The following CADM2 variants were observed in gnomAD, a reference collection of about 807,000 sequenced individuals.
CADM2 encodes the protein cell adhesion molecule 2, also known as immunoglobulin superfamily member 4D.
Under a neutral mutation model 49.8 loss-of-function variants are expected in CADM2, and 12 were observed. That is an observed-to-expected ratio of 0.24 (90% CI 0.15 to 0.39). The LOEUF is 0.39. Among genes scored for constraint, CADM2 ranks in the 10% least tolerant of loss-of-function variants. The pLI, the probability that CADM2 is intolerant of heterozygous loss-of-function variation, is 1.00. For missense variants in CADM2, 378 were observed against 492.3 expected (o/e 0.77, Z 2.20); for synonymous variants, 214 against 175.4 (o/e 1.22, Z -1.74).
At chr3:85,630,305 A>C (rs1019880995) in intron 1 of CADM2, among the ~76,000 whole-genome samples, 1 of 151,928 alleles carries the variant, frequency 6.6e-6, no homozygotes, top group South Asian at 2.1e-4. Flanking sequence ...TATACCTGAC[A>C]ATCTTTAATC....
intron 9 of CADM2, among the ~76,000 whole-genome samples, chr3:86,066,015 C>A (rs1168192350): frequency 6.6e-6 from 1 of 152,096 alleles, no homozygotes; most frequent in East Asian, 1.9e-4. Flanking sequence ...ATATCTAGAA[C>A]TGAAATCCAA....
chr3:85,371,677 G>GTGTGTGTGTGTGTGTA (rs1251505613), intron 1 of CADM2, among the ~76,000 whole-genome samples: 3 of 95,132 alleles, frequency 3.2e-5, no homozygotes, highest in African/African-American at 1.3e-4. Flanking sequence ...GTGTGTGTGT[G>GTGTGTGTGTGTGTGTA]TATATATATA....
rs151132801 is a variant in CADM2, at chr3:85,898,313, T to C, written c.529+11986T>C. On this transcript the variant is annotated intron_variant, in intron 5 of 9. Coordinates refer to ENST00000383699, the MANE Select transcript of CADM2 (RefSeq NM_001167675.2). ...AAGATATAATTGACAAAAATCAATA[T>C]ATAGATATTTAAATTTTGCAATTTA... is the stretch of plus-strand genomic sequence containing the variant. Among the ~76,000 whole-genome samples the C allele has an allele frequency of 3.1e-4, 47 of 152,192 alleles. No homozygotes were observed. In the East Asian group the frequency reaches 5.8e-3, roughly 19 times the overall value.
At chr3:85,333,621 A>G (rs1335591709) in intron 1 of CADM2, among the ~76,000 whole-genome samples, 1 of 151,774 alleles carries the variant, frequency 6.6e-6, no homozygotes, top group Non-Finnish European at 1.5e-5. Flanking sequence ...TTATTAAAGA[A>G]ACGTGTTTTT....
chr3:86,005,613 T>C (rs1045254698), intron 8 of CADM2, among the ~76,000 whole-genome samples: 3 of 151,808 alleles, frequency 2.0e-5, no homozygotes, highest in African/African-American at 7.3e-5. Flanking sequence ...GTGTATGAGA[T>C]ATTTTGATAC....
chr3:85,747,931 G>T (rs2107847618), intron 2 of CADM2, among the ~76,000 whole-genome samples: 1 of 152,180 alleles, frequency 6.6e-6, no homozygotes, highest in East Asian at 1.9e-4. Flanking sequence ...CTCATATGAG[G>T]AGGCGTACTA....
chr3:85,624,882 C>G (rs2064079504), intron 1 of CADM2, among the ~76,000 whole-genome samples: 1 of 152,092 alleles, frequency 6.6e-6, no homozygotes, highest in East Asian at 1.9e-4. Flanking sequence ...GATACATCAG[C>G]AGATCATGGA....
chr3:85,398,568 G>A (rs138179626), intron 1 of CADM2, among the ~76,000 whole-genome samples: 2,594 of 152,282 alleles, frequency 0.017, 27 homozygotes, highest in South Asian at 0.028. Flanking sequence ...CTAGATACCT[G>A]AGGAATCACC....
chr3:85,104,188 G>A (rs1008782720), intron 1 of CADM2, among the ~76,000 whole-genome samples: 3 of 150,562 alleles, frequency 2.0e-5, no homozygotes, highest in African/African-American at 4.9e-5. Context: ...TAGGTCTAAC[G>A]TTTAAGTCTT....
At chr3:85,333,510 A>C (rs2044993827) in intron 1 of CADM2, among the ~76,000 whole-genome samples, 1 of 151,896 alleles carries the variant, frequency 6.6e-6, no homozygotes, top group Admixed American at 6.6e-5. Flanking sequence ...CTGACCACTT[A>C]GTTTGTGGTT....
In CADM2 at chr3:85,570,597, T is replaced by G. The variant is rs553825982; in HGVS notation, c.62-155925T>G. Among the ~76,000 whole-genome samples, 4 of 152,216 alleles carry G rather than the reference T, an allele frequency of 2.6e-5. No homozygotes were observed. In the East Asian group the frequency reaches 7.7e-4, roughly 29 times the overall value. On this transcript the variant is annotated intron_variant, in intron 1 of 9. Transcript: ENST00000383699. Reference sequence around the variant, plus strand: ...GGTCTTTTGTGAGCACAAAAATAGGTAGCGTTTTTAAAAACTGATTTTGAG... The same window carrying G: ...GGTCTTTTGTGAGCACAAAAATAGGGAGCGTTTTTAAAAACTGATTTTGAG...
chr3:86,011,838 A>G (rs1477269569), intron 8 of CADM2, among the ~76,000 whole-genome samples: 1 of 152,156 alleles, frequency 6.6e-6, no homozygotes, highest in Middle Eastern at 3.2e-3. Flanking sequence ...TAGCTTAGAA[A>G]CCATAATGGG....
chr3:85,901,854 A>G (rs531739571), intron 5 of CADM2, among the ~76,000 whole-genome samples: 1 of 152,078 alleles, frequency 6.6e-6, no homozygotes, highest in Non-Finnish European at 1.5e-5. Flanking sequence ...TGTCTGTATA[A>G]ATTTGCCTAC....
At chr3:85,610,065 T>A (rs1029819619) in intron 1 of CADM2, among the ~76,000 whole-genome samples, 6 of 152,010 alleles carry the variant, frequency 3.9e-5, no homozygotes, top group African/African-American at 1.4e-4. Context: ...AAAAATGATA[T>A]GTATATTTTA....
At chr3:85,223,231 C>CAG (rs1488366025) in intron 1 of CADM2, among the ~76,000 whole-genome samples, 6 of 152,080 alleles carry the variant, frequency 3.9e-5, no homozygotes, top group Non-Finnish European at 7.4e-5. Context: ...AGAATACCTT[C>CAG]AGAGGTATGA....
intron 2 of CADM2, among the ~76,000 whole-genome samples, chr3:85,732,221 A>C (rs2067965053): frequency 6.6e-6 from 1 of 151,922 alleles, no homozygotes; most frequent in Non-Finnish European, 1.5e-5. Context: ...AAATCACACC[A>C]TTGCACTCCA....
intron 1 of CADM2, among the ~76,000 whole-genome samples, chr3:85,022,985 A>G (rs918443885): frequency 1.3e-5 from 2 of 152,096 alleles, no homozygotes; most frequent in African/African-American, 4.8e-5. Context: ...TTATGCTTCT[A>G]ATTTTCTACT....
At chr3:85,608,119 AC>A (rs1383006400) in intron 1 of CADM2, among the ~76,000 whole-genome samples, 3 of 152,112 alleles carry the variant, frequency 2.0e-5, no homozygotes, top group Admixed American at 6.6e-5. Context: ...CTATTTTCAA[AC>A]CGTGTGGGCA....
chr3:85,519,731 G>A (rs1275046542), intron 1 of CADM2, among the ~76,000 whole-genome samples: 1 of 152,076 alleles, frequency 6.6e-6, no homozygotes, highest in Non-Finnish European at 1.5e-5. Context: ...AAATGACATT[G>A]AGTTAATTAT....
Sources: allele counts gnomAD v4.1 joint callset (sites outside exome capture counted in the v4.1 genomes callset), GRCh38; gene constraint gnomAD v4.1.1; transcripts MANE v1.5; gene names NCBI Gene and HGNC (gene_info 2026-07-23, HGNC 2026-07-21).